CPM: variants seen among roughly 807,000 people sequenced by gnomAD.
The protein encoded by CPM is carboxypeptidase M.
In CPM, 35 loss-of-function variants were observed where a neutral mutation model predicts 46.4. The ratio of observed to expected loss-of-function variants is 0.75; its 90% CI spans 0.58 to 1.00. The LOEUF is 1.00. Ranked by LOEUF, CPM falls within the 50% of genes least tolerant of loss-of-function variation. The probability of loss-of-function intolerance (pLI) is 0.00; values close to 1 mark genes in which losing one functional copy is unlikely to be tolerated. For synonymous variants in CPM, 195 were observed against 195.3 expected (o/e 1.00, Z 0.01); for missense variants, 422 against 530.4 (o/e 0.80, Z 2.01).
At chr12:68,867,941 G>A (rs1164867217) in intron 6 of CPM, among the ~76,000 whole-genome samples, 2 of 152,314 alleles carry the variant, frequency 1.3e-5, no homozygotes, top group South Asian at 2.1e-4. Flanking sequence ...GGCGGGTCAG[G>A]CCTGGCCAAC....
chr12:68,955,586 T>C (rs893689088), intron 1 of CPM, among the ~76,000 whole-genome samples: 1 of 152,150 alleles, frequency 6.6e-6, no homozygotes, highest in African/African-American at 2.4e-5. Context: ...TTGTGCTGCA[T>C]CCAGAAAGAA....
chr12:68,942,191 G>A (rs552696969), intron 1 of CPM, among the ~76,000 whole-genome samples: 1 of 152,300 alleles, frequency 6.6e-6, no homozygotes, highest in East Asian at 1.9e-4. Context: ...AATTGTGGCT[G>A]TGTTTTCTGT....
At chr12:68,933,617 C>T (rs1888608068), upstream of CPM, among the ~76,000 whole-genome samples, 1 of 152,134 alleles carries the variant, frequency 6.6e-6, no homozygotes, top group East Asian at 1.9e-4. Flanking sequence ...ATGCGGAGTC[C>T]TGAGTGCCCT....
upstream of CPM, chr12:68,963,281 G>T (rs1889152441): frequency 5.3e-6 from 1 of 189,098 alleles, no homozygotes; most frequent in Admixed American, 6.0e-5. Context: ...GACAGGCCTT[G>T]CTGGGTTTCC....
chr12:68,953,544 T>C (rs1477142182), intron 1 of CPM, among the ~76,000 whole-genome samples: 1 of 152,272 alleles, frequency 6.6e-6, no homozygotes, highest in Non-Finnish European at 1.5e-5. Context: ...CTTATCATTC[T>C]CTGTTTTGAA....
chr12:68,872,441 T>C (rs1144952), intron 3 of CPM, among the ~76,000 whole-genome samples: 46,375 of 151,722 alleles, frequency 0.31, 8,952 homozygotes, highest in African/African-American at 0.55. Context: ...TTAGTAGAGA[T>C]GGGGTTTCAC....
chr12:68,847,452 C>CTTTTTTTTTTTTTTTTTTTTTTT (rs772905678), downstream of CPM: 5 of 88,692 alleles, frequency 5.6e-5, 1 homozygote, highest in African/African-American at 2.8e-4. Context: ...TATCTCCTTT[C>CTTTTTTTTTTTTTTTTTTTTTTT]TTTTTTTTTT....
At chr12:68,842,513 A>T in intron 5 of CPM, 1 of 382,238 alleles carries the variant, frequency 2.6e-6, no homozygotes, top group South Asian at 2.2e-5. Context: ...TTACAAAATC[A>T]TCTACATTGC....
At chr12:68,863,960 G>C (rs1885319967) in intron 7 of CPM, among the ~76,000 whole-genome samples, 1 of 152,234 alleles carries the variant, frequency 6.6e-6, no homozygotes. Context: ...CTAGTAGGGA[G>C]AGAACCTTTC....
intron 1 of CPM, among the ~76,000 whole-genome samples, chr12:68,949,046 A>G (rs762703294): frequency 4.6e-5 from 7 of 152,176 alleles, no homozygotes; most frequent in Non-Finnish European, 8.8e-5. Context: ...CATCAGGCCT[A>G]TCAAGTATTT....
intron 2 of CPM, among the ~76,000 whole-genome samples, chr12:68,910,645 A>AT (rs1348106051): frequency 3.3e-5 from 5 of 152,150 alleles, no homozygotes; most frequent in East Asian, 1.9e-4. Context: ...TTAAACTATT[A>AT]TTTTTTTAAA....
intron 7 of CPM, among the ~76,000 whole-genome samples, chr12:68,859,761 G>C (rs146026251): frequency 2.0e-5 from 3 of 152,152 alleles, no homozygotes; most frequent in Non-Finnish European, 4.4e-5. Context: ...CAACGAAGTG[G>C]CCCAGCCTAG....
chr12:68,956,562 A>T (rs1385967182), intron 1 of CPM, among the ~76,000 whole-genome samples: 2 of 152,086 alleles, frequency 1.3e-5, no homozygotes, highest in African/African-American at 4.8e-5. Context: ...CAAAACCTGG[A>T]CTCCTTGCAC....
chr12:68,961,948 C>A (rs1008265370), intron 1 of CPM, among the ~76,000 whole-genome samples: 1 of 152,102 alleles, frequency 6.6e-6, no homozygotes, highest in East Asian at 1.9e-4. Flanking sequence ...TGTCTGTAAT[C>A]CCAGCACTTT....
chr12:68,928,973 G>T (rs1888389747), intron 2 of CPM, among the ~76,000 whole-genome samples: 1 of 150,718 alleles, frequency 6.6e-6, no homozygotes, highest in Non-Finnish European at 1.5e-5. Flanking sequence ...CTCCTGAAGT[G>T]CTGGGATTAT....
chr12:68,924,774 G>A (rs916437338), intron 2 of CPM, among the ~76,000 whole-genome samples: 2 of 152,204 alleles, frequency 1.3e-5, no homozygotes, highest in African/African-American at 2.4e-5. Context: ...AATGAGCAGA[G>A]TGTGACGGAT....
chr12:68,884,600 T>G (rs1471284918), intron 3 of CPM, among the ~76,000 whole-genome samples: 1 of 152,224 alleles, frequency 6.6e-6, no homozygotes, highest in Non-Finnish European at 1.5e-5. Context: ...TAGTACTTAT[T>G]GGAATATGTA....
intron 2 of CPM, among the ~76,000 whole-genome samples, chr12:68,902,084 G>A (rs1412275809): frequency 1.3e-5 from 2 of 152,142 alleles, no homozygotes; most frequent in Non-Finnish European, 2.9e-5. Context: ...CTTGATAAAT[G>A]AGAAGCTACA....
At chr12:68,940,335 C>T (rs1888741607) in intron 1 of CPM, among the ~76,000 whole-genome samples, 1 of 151,780 alleles carries the variant, frequency 6.6e-6, no homozygotes, top group Non-Finnish European at 1.5e-5. Flanking sequence ...GTTTATATTG[C>T]ATATGCTATG....
Sources: allele counts gnomAD v4.1 joint callset (sites outside exome capture counted in the v4.1 genomes callset), GRCh38; gene constraint gnomAD v4.1.1; transcripts MANE v1.5; gene names NCBI Gene and HGNC (gene_info 2026-07-23, HGNC 2026-07-21).